ACTA2: variants seen among roughly 807,000 people sequenced by gnomAD.
ACTA2 encodes actin, aortic smooth muscle.
In ACTA2, 12 loss-of-function variants were observed where a neutral mutation model predicts 39.5. That is an observed-to-expected ratio of 0.30 (90% CI 0.19 to 0.49). The LOEUF (loss-of-function observed/expected upper bound fraction) is 0.49. Ranked by LOEUF, ACTA2 falls within the 20% of genes least tolerant of loss-of-function variation. ACTA2 has a pLI of 0.99. For missense variants in ACTA2, 236 were observed against 498.8 expected (o/e 0.47, Z 5.02); for synonymous variants, 158 against 180.6 (o/e 0.88, Z 1.00).
At chr10:88,967,086 A>G (rs1351565755) in intron 1 of ACTA2, among the ~76,000 whole-genome samples, 1 of 152,210 alleles carries the variant, frequency 6.6e-6, no homozygotes, top group African/African-American at 2.4e-5. Flanking sequence ...AGTGAACAGG[A>G]AGAGACCCTC....
chr10:88,977,265 T>C (rs1462006665), intron 1 of ACTA2, among the ~76,000 whole-genome samples: 18 of 151,868 alleles, frequency 1.2e-4, no homozygotes, highest in Non-Finnish European at 4.4e-5. Context: ...TGGTAATGCC[T>C]AGGTTTTCTT....
chr10:88,938,281 G>A (rs752296598), intron 7 of ACTA2, 39 bp from the exon 8 acceptor site: 1 of 1,610,632 alleles, frequency 6.2e-7, no homozygotes, highest in South Asian at 1.1e-5. Context: ...TAAGTGGAGA[G>A]TAAAACCCAG....
Position 88,949,005 on chromosome 10 carries a change from A to G in ACTA2, c.-23-52T>C. 2.5e-6 allele frequency: 4 copies of G among 1,597,492 alleles called. No individual in the cohort carries two copies. In the South Asian group the frequency reaches 4.4e-5, roughly 18 times the overall value. ...TCAGCTGTAATTGGGCATTTGTGGC[A>G]CTTACCTGACAACTCCCACCTCCAA... is the stretch of plus-strand genomic sequence containing the variant. On this transcript the variant is annotated intron_variant, in intron 1 of 8. Coordinates refer to ENST00000224784, the MANE Select transcript of ACTA2 (RefSeq NM_001613.4).
At chr10:88,988,970 G>A (rs1365258428) in intron 1 of ACTA2, among the ~76,000 whole-genome samples, 9 of 152,182 alleles carry the variant, frequency 5.9e-5, no homozygotes, top group East Asian at 1.9e-4. Context: ...ATAATTAGAC[G>A]TACGTGGGCA....
At position 88,936,983 on chromosome 10, in the gene ACTA2, C is replaced by T. The variant is rs149591712; in HGVS notation, c.990+1078G>A. Among the ~76,000 whole-genome samples, 233 of 152,282 alleles carry T rather than the reference C, an allele frequency of 1.5e-3. 1 individual carries two copies. Among genetic ancestry groups the T allele is most frequent in the African/African-American group, 5.3e-3 (219 of 41,566 alleles). Reference sequence around the variant, plus strand: ...GGAACTGCCCAACTCTAGCAATAGCCTCTTTCTGTTATCGACCCTCATGAG... The same window carrying T: ...GGAACTGCCCAACTCTAGCAATAGCTTCTTTCTGTTATCGACCCTCATGAG... On this transcript the variant is annotated intron_variant, in intron 8 of 8. Transcript: ENST00000224784.
chr10:88,942,562 T>C (rs1296755047), intron 4 of ACTA2, among the ~76,000 whole-genome samples: 1 of 152,134 alleles, frequency 6.6e-6, no homozygotes, highest in African/African-American at 2.4e-5. Context: ...ACATAGAATG[T>C]CAGTGCCCCA....
In ACTA2 at chr10:88,990,745, C is replaced by A; in HGVS notation, c.-24+194G>T. The A allele has an allele frequency of 9.3e-7, 1 of 1,075,116 alleles. No homozygotes were observed. The highest frequency in any genetic ancestry group is 1.4e-6 in the Non-Finnish European group (1 of 705,156). The allele number at this position is 1,075,116 out of a possible 1,614,324, so 66.6% of individuals were successfully genotyped here. A position where few individuals can be genotyped will look rare whatever the true frequency, so the allele number is the denominator to read the frequency against. The stretch of plus-strand genomic sequence containing the variant: ...ACTTGGCTGGAGCCTCAGGGGCGGG[C>A]ACTGGCACGGAACACACCCTGAGGC... On this transcript the variant is annotated intron_variant, in intron 1 of 4. Transcript: ENST00000415557. The surrounding 1 kb of genome is among the most constrained non-coding windows in gnomAD (Gnocchi z 4.9).
chr10:88,952,775 G>GGGAAGCT (rs1311814761), upstream of ACTA2: 1 of 152,292 alleles, frequency 6.6e-6, no homozygotes, highest in Non-Finnish European at 1.5e-5. Context: ...GTGGTGTTCA[G>GGGAAGCT]GGAAGCTGAA....
chr10:88,954,184 A>T (rs1846096116), upstream of ACTA2, among the ~76,000 whole-genome samples: 1 of 152,184 alleles, frequency 6.6e-6, no homozygotes, highest in African/African-American at 2.4e-5. Flanking sequence ...TACAGCCATG[A>T]CCAGCTGTTC....
intron 6 of ACTA2, 32 bp from the exon 7 acceptor site, chr10:88,939,730 A>G: frequency 1.2e-6 from 2 of 1,612,480 alleles, no homozygotes; most frequent in African/African-American, 2.7e-5. Context: ...TGTGGCAAAC[A>G]TTAGGGTCTG....
chr10:88,975,334 A>T (rs1846536881), intron 1 of ACTA2, among the ~76,000 whole-genome samples: 1 of 152,220 alleles, frequency 6.6e-6, no homozygotes, highest in South Asian at 2.1e-4. Flanking sequence ...CATTTGAATG[A>T]GGTATTAGCT....
At chr10:88,973,271 C>T (rs1406828002) in intron 1 of ACTA2, 2 of 1,612,364 alleles carry the variant, frequency 1.2e-6, no homozygotes, top group Admixed American at 1.7e-5. Context: ...GATTCCCACT[C>T]TTGGGGATCT....
chr10:88,938,461 G>T, intron 7 of ACTA2: 1 of 572,628 alleles, frequency 1.7e-6, no homozygotes, highest in Non-Finnish European at 3.1e-6. Context: ...GCATCCTGAG[G>T]TGTGGGCTAC....
At chr10:88,960,793 T>C (rs1209119058) in intron 1 of ACTA2, among the ~76,000 whole-genome samples, 1 of 152,198 alleles carries the variant, frequency 6.6e-6, no homozygotes, top group Non-Finnish European at 1.5e-5. Flanking sequence ...CAGAAACTCA[T>C]TTGTCACTAG....
chr10:88,947,281 T>G lies in ACTA2; in HGVS notation c.235A>C (p.Thr79Pro). The G allele has an allele frequency of 6.2e-7, 1 of 1,613,972 alleles. No individual in the cohort carries two copies. The highest frequency in any genetic ancestry group is 8.5e-7 in the Non-Finnish European group (1 of 1,179,890). ...LKYPIEHGII[T>P]NWDDMEKIWH... ...ACCTTTTCCATGTCGTCCCAGTTGGTGATGATGCCATGTTCTATCGGGTAC... is the reference window on the plus strand; with the variant it reads ...ACCTTTTCCATGTCGTCCCAGTTGGGGATGATGCCATGTTCTATCGGGTAC... The change falls in exon 3 of 9, where the codon ACC (threonine) becomes CCC (proline). Residue 79 changes from threonine (T) to proline (P), a missense_variant. Physicochemically the swap from Thr to Pro is conservative, Grantham distance 38. Coordinates refer to ENST00000224784, the MANE Select transcript of ACTA2 (RefSeq NM_001613.4).
intron 1 of ACTA2, among the ~76,000 whole-genome samples, chr10:88,975,717 A>G (rs1027435181): frequency 6.6e-6 from 1 of 152,126 alleles, no homozygotes; most frequent in Non-Finnish European, 1.5e-5. Context: ...TGGCCTCTTA[A>G]TAAATATTCG....
At position 88,941,723 on chromosome 10, in the gene ACTA2, C is replaced by T; in HGVS notation, c.454+62G>A. Reference sequence around the variant, plus strand: ...GTCCGTCACCCCCACGTGTTAACGACCATTCAATCCCATCTCTGGCAGTGC... The same window carrying T: ...GTCCGTCACCCCCACGTGTTAACGATCATTCAATCCCATCTCTGGCAGTGC... On this transcript the variant is annotated intron_variant, in intron 5 of 8. Transcript: ENST00000224784. 3.4e-6 allele frequency: 5 copies of T among 1,455,684 alleles called. 1 individual carries two copies. The South Asian group carries it at 5.9e-5, about 17-fold the overall frequency. The allele number at this position is 1,455,684 out of a possible 1,614,324, so 90.2% of individuals were successfully genotyped here. A position where few individuals can be genotyped will look rare whatever the true frequency, so the allele number is the denominator to read the frequency against.
chr10:88,962,925 AT>A (rs1846252752), intron 1 of ACTA2, among the ~76,000 whole-genome samples: 2 of 3,146 alleles, frequency 6.4e-4, no homozygotes, highest in South Asian at 6.0e-3. Context: ...ATATATATAT[AT>A]ATATATATAT....
At chr10:88,950,360 C>A (rs1243534364) in intron 1 of ACTA2, among the ~76,000 whole-genome samples, 2 of 152,162 alleles carry the variant, frequency 1.3e-5, no homozygotes, top group African/African-American at 4.8e-5. Flanking sequence ...ATAAAAAAGG[C>A]AGTTCTTTTA....
Sources: allele counts gnomAD v4.1 joint callset (sites outside exome capture counted in the v4.1 genomes callset), GRCh38; gene constraint gnomAD v4.1.1; non-coding constraint Gnocchi (gnomAD v3.1); transcripts MANE v1.5; gene names NCBI Gene and HGNC (gene_info 2026-07-23, HGNC 2026-07-21).